FUT9: variants seen among roughly 807,000 people sequenced by gnomAD.
FUT9 encodes the protein fucosyltransferase 9.
A neutral mutation model predicts 29.7 loss-of-function variants in FUT9; 15 were observed. The observed-to-expected ratio is 0.51, with a 90% CI of 0.34 to 0.78. The LOEUF (loss-of-function observed/expected upper bound fraction) is 0.78, where lower values mean the gene tolerates loss of function less well. FUT9 is among the 30% of genes least tolerant of loss of function. The pLI, the probability that FUT9 is intolerant of heterozygous loss-of-function variation, is 0.01. For missense variants in FUT9, 319 were observed against 425.4 expected (o/e 0.75, Z 2.20); for synonymous variants, 169 against 153.7 (o/e 1.10, Z -0.74).
At chr6:96,028,514 T>G (rs1206158244) in intron 1 of FUT9, among the ~76,000 whole-genome samples, 1 of 151,694 alleles carries the variant, frequency 6.6e-6, no homozygotes, top group Non-Finnish European at 1.5e-5. Flanking sequence ...CATAAAAATT[T>G]TGCTTAATTA....
rs1773790309 is a variant in FUT9, at chr6:96,204,473, T to A, written c.*238T>A. On this transcript the variant is annotated 3_prime_UTR_variant, in exon 3 of 3. Transcript: ENST00000302103. ...TGTGCACTGGAGAGTAATTTATTCT[T>A]CATTATCATTTGTAAACATTGTTTT... 1 of 297,218 alleles carries A rather than the reference T, an allele frequency of 3.4e-6. No homozygotes were observed. The highest frequency in any genetic ancestry group is 6.5e-6 in the Non-Finnish European group (1 of 153,056). The allele number at this position is 297,218 out of a possible 1,614,324, so 18.4% of individuals were successfully genotyped here.
chr6:96,154,593 T>C (rs1772740999), intron 2 of FUT9, among the ~76,000 whole-genome samples: 1 of 152,226 alleles, frequency 6.6e-6, no homozygotes, highest in Admixed American at 6.5e-5. Flanking sequence ...ATCAAGTCAC[T>C]CAGTTTTTTA....
intron 1 of FUT9, among the ~76,000 whole-genome samples, chr6:96,030,906 T>A (rs1253371247): frequency 2.0e-5 from 3 of 151,402 alleles, no homozygotes; most frequent in Non-Finnish European, 4.4e-5. Flanking sequence ...AGAAAACATA[T>A]CAGTGGTTTC....
At chr6:96,194,237 C>A (rs546666500) in intron 2 of FUT9, among the ~76,000 whole-genome samples, 4 of 152,136 alleles carry the variant, frequency 2.6e-5, no homozygotes, top group African/African-American at 9.6e-5. Flanking sequence ...GTCAGAACTA[C>A]TTGGAGGGCT....
intron 2 of FUT9, among the ~76,000 whole-genome samples, chr6:96,159,507 T>C (rs1380230858): frequency 1.3e-5 from 2 of 152,132 alleles, no homozygotes; most frequent in Non-Finnish European, 2.9e-5. Context: ...GTCTGTAAAA[T>C]GATTTAAAAA....
intron 1 of FUT9, among the ~76,000 whole-genome samples, chr6:96,070,388 T>G (rs2127947219): frequency 6.6e-6 from 1 of 152,312 alleles, no homozygotes; most frequent in African/African-American, 2.4e-5. Flanking sequence ...CAAACCATAT[T>G]ATGTAATACT....
intron 1 of FUT9, among the ~76,000 whole-genome samples, chr6:96,050,056 C>G (rs1770637266): frequency 1.3e-5 from 2 of 152,124 alleles, no homozygotes. Flanking sequence ...CATGTGCAAA[C>G]AGGGTTGCAA....
intron 2 of FUT9, among the ~76,000 whole-genome samples, chr6:96,164,703 C>A (rs1436953262): frequency 6.6e-6 from 1 of 152,082 alleles, no homozygotes; most frequent in Non-Finnish European, 1.5e-5. Flanking sequence ...TGAGGCATGT[C>A]TGACCACTCA....
chr6:96,053,236 C>T (rs1267967034), intron 1 of FUT9, among the ~76,000 whole-genome samples: 1 of 152,168 alleles, frequency 6.6e-6, no homozygotes, highest in East Asian at 1.9e-4. Context: ...TAAAGCAAGG[C>T]ATTTTTTAGT....
intron 2 of FUT9, among the ~76,000 whole-genome samples, chr6:96,125,641 G>A (rs1405260607): frequency 6.6e-6 from 1 of 152,104 alleles, no homozygotes; most frequent in Non-Finnish European, 1.5e-5. Context: ...TAGGTAGGAG[G>A]GAACAGGGCT....
chr6:96,214,854 T>C lies in FUT9; in HGVS notation c.*10619T>C, dbSNP rs1774008020. On this transcript the variant is annotated 3_prime_UTR_variant, in exon 3 of 3. Transcript: ENST00000302103. ...TATTTATTTATTTACAGAAGATTGG[T>C]TCCTTCCAGTTCAATTTAACAGCTT... 1 of 166,972 alleles carries C rather than the reference T, an allele frequency of 6.0e-6. No individual in the cohort carries two copies. Among genetic ancestry groups the C allele is most frequent in the South Asian group, 2.1e-4 (1 of 4,832 alleles). The allele number at this position is 166,972 out of a possible 1,614,324, so 10.3% of individuals were successfully genotyped here.
chr6:96,058,442 C>A (rs1395631791), intron 1 of FUT9, among the ~76,000 whole-genome samples: 1 of 94,574 alleles, frequency 1.1e-5, no homozygotes, highest in Non-Finnish European at 2.0e-5. Flanking sequence ...AGTAAAAGTG[C>A]AAAGACTGGG....
intron 2 of FUT9, among the ~76,000 whole-genome samples, chr6:96,164,056 T>C (rs540843354): frequency 1.3e-5 from 2 of 152,256 alleles, no homozygotes; most frequent in East Asian, 1.9e-4. Context: ...CATCAATCAA[T>C]ACATGTAAAA....
At chr6:96,104,770 T>C (rs995051306) in intron 1 of FUT9, among the ~76,000 whole-genome samples, 2 of 152,276 alleles carry the variant, frequency 1.3e-5, no homozygotes, top group Non-Finnish European at 2.9e-5. Context: ...GACCTCGTGA[T>C]CTACCCGCCT....
At chr6:96,024,483 G>A (rs1770128880) in intron 1 of FUT9, among the ~76,000 whole-genome samples, 1 of 151,702 alleles carries the variant, frequency 6.6e-6, no homozygotes, top group Admixed American at 6.6e-5. Context: ...TATATTGGGA[G>A]CAGGACTCCT....
chr6:96,068,008 T>C (rs1275686338), intron 1 of FUT9, among the ~76,000 whole-genome samples: 2 of 152,186 alleles, frequency 1.3e-5, no homozygotes, highest in Non-Finnish European at 2.9e-5. Flanking sequence ...GTCACTATTA[T>C]CATACATCAT....
At chr6:96,191,050 G>A (rs1294830859) in intron 2 of FUT9, among the ~76,000 whole-genome samples, 2 of 152,012 alleles carry the variant, frequency 1.3e-5, no homozygotes, top group Non-Finnish European at 2.9e-5. Context: ...CTCTACCTTT[G>A]GTCTTTGATG....
chr6:96,186,681 G>A (rs1773411718), intron 2 of FUT9, among the ~76,000 whole-genome samples: 1 of 152,064 alleles, frequency 6.6e-6, no homozygotes, highest in South Asian at 2.1e-4. Flanking sequence ...CACAAAAGCT[G>A]GGAGTGGTTT....
chr6:96,091,887 A>G (rs1771417383), intron 1 of FUT9, among the ~76,000 whole-genome samples: 1 of 152,106 alleles, frequency 6.6e-6, no homozygotes, highest in Non-Finnish European at 1.5e-5. Flanking sequence ...GCGAGAAAAT[A>G]TTTTCAGAAA....
Sources: gnomAD v4.1 joint callset for allele counts (sites outside exome capture counted in the v4.1 genomes callset) on GRCh38, gnomAD v4.1.1 for gene constraint, MANE v1.5 for transcripts, NCBI Gene and HGNC (gene_info 2026-07-23, HGNC 2026-07-21) for gene names.